Variants in DAB1 observed in about 807,000 individuals in gnomAD.
DAB1 encodes disabled homolog 1.
A neutral mutation model predicts 64.6 loss-of-function variants in DAB1; 15 were observed. The ratio of observed to expected loss-of-function variants is 0.23; its 90% CI spans 0.16 to 0.36. The LOEUF is 0.36. Ranked by LOEUF, DAB1 falls within the 10% of genes least tolerant of loss-of-function variation. DAB1 has a pLI of 1.00. For missense variants in DAB1, 596 were observed against 706.7 expected, an observed-to-expected ratio of 0.84 and a Z score of 1.78; for synonymous variants, 235 against 251.9, an observed-to-expected ratio of 0.93 and a Z score of 0.64.
At chr1:57,527,035 A>C (rs1211245054) in intron 7 of DAB1, among the ~76,000 whole-genome samples, 1 of 152,156 alleles carries the variant, frequency 6.6e-6, no homozygotes, top group Non-Finnish European at 1.5e-5. Context: ...TCTGGGTAAG[A>C]AATGAAGACA....
chr1:57,720,453 G>A (rs1358325409), intron 6 of DAB1, among the ~76,000 whole-genome samples: 2 of 152,226 alleles, frequency 1.3e-5, no homozygotes, highest in Non-Finnish European at 2.9e-5. Context: ...TAACAGGGAA[G>A]TGTTCCCAAG....
chr1:58,045,147 G>GATCCTGA (rs1378406252), intron 5 of DAB1, among the ~76,000 whole-genome samples: 1 of 152,170 alleles, frequency 6.6e-6, no homozygotes, highest in African/African-American at 2.4e-5. Flanking sequence ...AATTTGAGAG[G>GATCCTGA]ATCCTGAATC....
intron 1 of DAB1, among the ~76,000 whole-genome samples, chr1:57,361,360 T>A (rs1679536587): frequency 6.6e-6 from 1 of 152,078 alleles, no homozygotes; most frequent in South Asian, 2.1e-4. Flanking sequence ...TCAGATCACA[T>A]AAATATGACC....
At chr1:58,458,879 T>C (rs1233301998) in intron 3 of DAB1, among the ~76,000 whole-genome samples, 1 of 152,178 alleles carries the variant, frequency 6.6e-6, no homozygotes, top group African/African-American at 2.4e-5. Context: ...TAAATATTAA[T>C]GTGGCTCAGG....
chr1:58,074,729 A>G (rs1485839196), intron 5 of DAB1, among the ~76,000 whole-genome samples: 2 of 151,840 alleles, frequency 1.3e-5, no homozygotes, highest in African/African-American at 4.8e-5. Context: ...CTCCAGTGAT[A>G]CTGCCAGTAT....
At chr1:57,788,541 A>G (rs1569688732) in intron 6 of DAB1, among the ~76,000 whole-genome samples, 1 of 152,200 alleles carries the variant, frequency 6.6e-6, no homozygotes, top group East Asian at 1.9e-4. Context: ...AGCACTAACC[A>G]CAAAGAAGTA....
In DAB1 at chr1:58,126,446, TC is replaced by T. The variant is rs200197886; in HGVS notation, n.387+24064del. ...CTCATTCAGAAGGGGCCAATCTTTTTCTTTTTTTCTTTTTTTTTTTTTATTA... is the reference window on the plus strand; with the variant it reads ...CTCATTCAGAAGGGGCCAATCTTTTTTTTTTTTCTTTTTTTTTTTTTATTA... On this transcript the variant is annotated intron_variant and non_coding_transcript_variant, in intron 5 of 20. Coordinates refer to the DAB1 transcript ENST00000485760. 2.8e-3 allele frequency among the ~76,000 whole-genome samples: 316 copies of T among 112,672 alleles called. 2 individuals are homozygous for T. Among genetic ancestry groups the T allele is most frequent in the African/African-American group, 0.014 (303 of 21,350 alleles). 73.9% of individuals were successfully genotyped at this position (112,672 alleles called of 152,430 possible).
intron 3 of DAB1, among the ~76,000 whole-genome samples, chr1:58,353,793 T>G (rs1003871385): frequency 2.7e-5 from 4 of 150,626 alleles, no homozygotes; most frequent in Admixed American, 6.7e-5. Context: ...AAAAGGATAA[T>G]GATCACAAGA....
chr1:57,207,447 T>C (rs4912433), intron 2 of DAB1, among the ~76,000 whole-genome samples: 1 of 80,608 alleles, frequency 1.2e-5, no homozygotes, highest in Non-Finnish European at 2.8e-5. Context: ...ATTTCCTTTC[T>C]TTTTTTTTTT....
At chr1:58,317,902 A>G (rs1021731151) in intron 4 of DAB1, among the ~76,000 whole-genome samples, 3 of 152,198 alleles carry the variant, frequency 2.0e-5, no homozygotes, top group Non-Finnish European at 4.4e-5. Flanking sequence ...CCCCATCTGT[A>G]TATCTCTCTA....
intron 5 of DAB1, among the ~76,000 whole-genome samples, chr1:57,961,845 T>C (rs1645530522): frequency 6.6e-6 from 1 of 151,666 alleles, no homozygotes; most frequent in South Asian, 2.1e-4. Flanking sequence ...CATGGTGGTG[T>C]CCTGTAATCC....
At chr1:57,334,471 G>A (rs990034288) in intron 1 of DAB1, among the ~76,000 whole-genome samples, 2 of 152,322 alleles carry the variant, frequency 1.3e-5, no homozygotes, top group African/African-American at 4.8e-5. Context: ...ACGTCTTACA[G>A]GCAGTGAGCA....
chr1:58,031,573 G>C (rs749381667), intron 5 of DAB1, among the ~76,000 whole-genome samples: 3 of 152,150 alleles, frequency 2.0e-5, no homozygotes, highest in Non-Finnish European at 4.4e-5. Context: ...GATTTCCTTT[G>C]AGATGCTAAG....
At chr1:57,042,790 T>C (rs553360500) in intron 9 of DAB1, among the ~76,000 whole-genome samples, 44 of 152,246 alleles carry the variant, frequency 2.9e-4, no homozygotes, top group African/African-American at 1.0e-3. Context: ...GCATTCCATA[T>C]GTTGTTTTCA....
chr1:58,212,862 T>A (rs911615472), intron 4 of DAB1, among the ~76,000 whole-genome samples: 1 of 152,162 alleles, frequency 6.6e-6, no homozygotes, highest in African/African-American at 2.4e-5. Context: ...TAAAAACTTT[T>A]AGTTAAATAA....
chr1:57,910,533 G>A (rs1264072171), intron 5 of DAB1, among the ~76,000 whole-genome samples: 2 of 152,088 alleles, frequency 1.3e-5, no homozygotes, highest in South Asian at 2.1e-4. Flanking sequence ...CTGCATGTAA[G>A]TGATCTGTAA....
At chr1:57,320,131 C>T (rs535834644) in intron 1 of DAB1, among the ~76,000 whole-genome samples, 14 of 152,222 alleles carry the variant, frequency 9.2e-5, no homozygotes, top group African/African-American at 3.4e-4. Context: ...AATCTCATCT[C>T]GAATTGTGTC....
At chr1:57,869,218 C>G (rs1262256327) in intron 1 of DAB1, among the ~76,000 whole-genome samples, 1 of 151,996 alleles carries the variant, frequency 6.6e-6, no homozygotes, top group African/African-American at 2.4e-5. Context: ...ATGCAGGTAA[C>G]AACAATTACC....
chr1:58,164,475 C>T (rs1655715766), intron 4 of DAB1, among the ~76,000 whole-genome samples: 1 of 152,216 alleles, frequency 6.6e-6, no homozygotes, highest in Admixed American at 6.5e-5. Context: ...CCACTCAGAA[C>T]AGGCATTTAA....
Sources: allele counts gnomAD v4.1 joint callset (sites outside exome capture counted in the v4.1 genomes callset), GRCh38; gene constraint gnomAD v4.1.1; transcripts MANE v1.5; gene names NCBI Gene and HGNC (gene_info 2026-07-23, HGNC 2026-07-21).